Variants in CDH12 observed in about 807,000 individuals in gnomAD.
CDH12 encodes cadherin 12.
CDH12 carries 41 observed loss-of-function variants against 74.1 expected under a neutral mutation model. The ratio of observed to expected loss-of-function variants is 0.55; its 90% CI spans 0.43 to 0.72. CDH12 has a LOEUF of 0.72. Among genes scored for constraint, CDH12 ranks in the 30% least tolerant of loss-of-function variants. The pLI is 0.00. For missense variants in CDH12, 945 were observed against 977.2 expected (o/e 0.97, Z 0.44); for synonymous variants, 399 against 355.0 (o/e 1.12, Z -1.39).
chr5:22,100,543 G>A (rs1259420419), intron 4 of CDH12, among the ~76,000 whole-genome samples: 1 of 151,846 alleles, frequency 6.6e-6, no homozygotes, highest in Non-Finnish European at 1.5e-5. Context: ...CTCTTGATGT[G>A]TCTAATTACA....
At chr5:22,617,085 G>T (rs1737728864) in intron 1 of CDH12, among the ~76,000 whole-genome samples, 1 of 151,842 alleles carries the variant, frequency 6.6e-6, no homozygotes, top group African/African-American at 2.4e-5. Context: ...ATGTTACCCA[G>T]GCTGGTCTCA....
chr5:22,244,819 T>G (rs1406916251), intron 3 of CDH12, among the ~76,000 whole-genome samples: 1 of 135,426 alleles, frequency 7.4e-6, no homozygotes. Flanking sequence ...AAAGTAGGAG[T>G]GGGGAGCTAG....
chr5:22,366,495 G>T (rs530651008), intron 3 of CDH12, among the ~76,000 whole-genome samples: 1 of 152,026 alleles, frequency 6.6e-6, no homozygotes, highest in Admixed American at 6.6e-5. Context: ...ACTGTGAAAG[G>T]TCCTTCTGGA....
chr5:22,015,847 G>T (rs1007119884), intron 5 of CDH12, among the ~76,000 whole-genome samples: 5 of 152,078 alleles, frequency 3.3e-5, no homozygotes, highest in Non-Finnish European at 7.4e-5. Context: ...TAAACAAAGA[G>T]GAAAGCAAAC....
chr5:21,857,855 T>C (rs977022477), intron 6 of CDH12, among the ~76,000 whole-genome samples: 4 of 151,840 alleles, frequency 2.6e-5, no homozygotes, highest in Admixed American at 1.3e-4. Flanking sequence ...CACAGGAAGT[T>C]TGAGATCAAA....
intron 1 of CDH12, among the ~76,000 whole-genome samples, chr5:22,513,294 G>A (rs1736684094): frequency 6.6e-6 from 1 of 151,594 alleles, no homozygotes; most frequent in African/African-American, 2.4e-5. Flanking sequence ...GTTTTCTCCT[G>A]ATACAGCTGA....
At chr5:22,499,471 A>C (rs918887373) in intron 2 of CDH12, among the ~76,000 whole-genome samples, 2 of 152,162 alleles carry the variant, frequency 1.3e-5, no homozygotes, top group Non-Finnish European at 2.9e-5. Context: ...AATGCAGCAC[A>C]GTCTTGTTAG....
chr5:22,035,477 G>C (rs1264185623), intron 5 of CDH12, among the ~76,000 whole-genome samples: 1 of 151,740 alleles, frequency 6.6e-6, no homozygotes, highest in Non-Finnish European at 1.5e-5. Flanking sequence ...AAAAACATGT[G>C]AAAACTGTAA....
At chr5:22,255,667 G>T (rs1018870467) in intron 3 of CDH12, among the ~76,000 whole-genome samples, 1 of 151,590 alleles carries the variant, frequency 6.6e-6, no homozygotes, top group African/African-American at 2.4e-5. Flanking sequence ...GGTAGTGGAT[G>T]ACATATTTAA....
In CDH12 at chr5:22,524,744, A is replaced by G. The variant is rs567175550; in HGVS notation, c.-522-19380T>C. On this transcript the variant is annotated intron_variant, in intron 1 of 14. Coordinates refer to ENST00000382254, the MANE Select transcript of CDH12 (RefSeq NM_004061.5). ...ACAGTAAGTCATCTTTATTGCTCAC[A>G]TTGTATGTCCACCAAGTGACACATG... Among the ~76,000 whole-genome samples, 16 of 152,266 alleles carry G rather than the reference A, an allele frequency of 1.1e-4. No homozygotes were observed. The East Asian group carries it at 3.1e-3, about 29-fold the overall frequency.
At chr5:22,206,679 CAAAAA>C (rs71609754) in intron 4 of CDH12, among the ~76,000 whole-genome samples, 279 of 55,264 alleles carry the variant, frequency 5.0e-3, no homozygotes, top group African/African-American at 0.016. Context: ...GATTCCACTG[CAAAAA>C]AAAAAAAAAA....
intron 5 of CDH12, among the ~76,000 whole-genome samples, chr5:22,067,658 G>A (rs2150212873): frequency 6.6e-6 from 1 of 152,256 alleles, no homozygotes; most frequent in South Asian, 2.1e-4. Flanking sequence ...TCTTTGGTTG[G>A]TCTCATTTGA....
intron 4 of CDH12, among the ~76,000 whole-genome samples, chr5:22,162,835 A>ATCCT (rs1200009409): frequency 6.9e-6 from 1 of 145,052 alleles, no homozygotes; most frequent in Non-Finnish European, 1.5e-5. Flanking sequence ...AATACACCCT[A>ATCCT]TTATGCAGGC....
At chr5:21,868,305 T>C (rs1751440585) in intron 6 of CDH12, among the ~76,000 whole-genome samples, 1 of 152,086 alleles carries the variant, frequency 6.6e-6, no homozygotes, top group Non-Finnish European at 1.5e-5. Context: ...ATCAGCAGTG[T>C]AAAACAGACC....
At chr5:22,806,759 C>A (rs7714679) in intron 1 of CDH12, among the ~76,000 whole-genome samples, 8,384 of 152,114 alleles carry the variant, frequency 0.055, 336 homozygotes, top group East Asian at 0.17. Context: ...TGTTTGTTGG[C>A]TGCAAAAATG....
At chr5:21,922,315 G>T (rs943626039) in intron 6 of CDH12, among the ~76,000 whole-genome samples, 1 of 152,130 alleles carries the variant, frequency 6.6e-6, no homozygotes, top group Non-Finnish European at 1.5e-5. Flanking sequence ...ATAAGTGTTT[G>T]CTACAAGAGG....
chr5:22,117,443 TATATA>T (rs558700744), intron 4 of CDH12, among the ~76,000 whole-genome samples: 27 of 92,938 alleles, frequency 2.9e-4, no homozygotes, highest in African/African-American at 1.3e-3. Context: ...AAATTATATA[TATATA>T]ATATATATAT....
At chr5:22,646,162 C>T (rs545511519) in intron 1 of CDH12, among the ~76,000 whole-genome samples, 20 of 151,892 alleles carry the variant, frequency 1.3e-4, no homozygotes, top group African/African-American at 4.8e-4. Context: ...ATGCACTTAT[C>T]TTTATAGACT....
intron 3 of CDH12, among the ~76,000 whole-genome samples, chr5:22,216,170 T>C (rs1332367389): frequency 6.6e-6 from 1 of 152,050 alleles, no homozygotes; most frequent in Non-Finnish European, 1.5e-5. Flanking sequence ...CTTAAGTGGC[T>C]ATATAAACAG....
Sources: gnomAD v4.1 joint callset for allele counts (sites outside exome capture counted in the v4.1 genomes callset) on GRCh38, gnomAD v4.1.1 for gene constraint, MANE v1.5 for transcripts, NCBI Gene and HGNC (gene_info 2026-07-23, HGNC 2026-07-21) for gene names.